The following JKAMP variants were observed in gnomAD, a reference collection of about 807,000 sequenced individuals.
JKAMP encodes the protein JNK1/MAPK8 associated membrane protein.
A neutral mutation model predicts 40.2 loss-of-function variants in JKAMP; 20 were observed. The observed-to-expected ratio is 0.50, with a 90% CI of 0.35 to 0.72. The LOEUF (loss-of-function observed/expected upper bound fraction) is 0.72, where lower values mean the gene tolerates loss of function less well. JKAMP is among the 30% of genes least tolerant of loss of function. The probability of loss-of-function intolerance (pLI) is 0.01; values close to 1 mark genes in which losing one functional copy is unlikely to be tolerated. For missense variants in JKAMP, 276 were observed against 373.0 expected (o/e 0.74, Z 2.14); for synonymous variants, 138 against 131.6 (o/e 1.05, Z -0.33).
intron 1 of JKAMP, 175 bp from the exon 2 acceptor site, chr14:59,486,538 C>T (rs1594929686): frequency 5.0e-6 from 3 of 595,730 alleles, no homozygotes; most frequent in South Asian, 2.0e-5. Context: ...TAACTGTCTG[C>T]AGTGTCACAG....
rs1026544630 is a variant in JKAMP at position 59,504,266 on chromosome 14, T to G, written c.*194T>G. On this transcript the variant is annotated 3_prime_UTR_variant, in exon 7 of 7. Coordinates refer to ENST00000616435, the MANE Select transcript of JKAMP (RefSeq NM_016475.5). ...GAAAATGCAAAACTCTGTAATACTC[T>G]GTTACACAGGGTAATATTATCTGCT... 2 of 583,212 alleles carry G rather than the reference T, an allele frequency of 3.4e-6. No individual in the cohort carries two copies. The highest frequency in any genetic ancestry group is 3.7e-5 in the African/African-American group (2 of 53,464). 36.1% of individuals were successfully genotyped at this position (583,212 alleles called of 1,614,324 possible).
In JKAMP at chr14:59,495,213, C is replaced by T. The variant is rs17096302; in HGVS notation, c.447C>T (p.Ala149=). The T allele has an allele frequency of 2.2e-3, 3,509 of 1,605,024 alleles. 53 individuals are homozygous for T. In the African/African-American group the frequency reaches 0.042, roughly 19 times the overall value. The part of the protein sequence containing the change: ...YVTTVHCTHE[A]VYPLYTIVFI... Reference sequence around the variant, plus strand: ...CCACAGTACACTGTACTCATGAAGCCGTCTACCCACTGTAAGTGTTTATTT... The same window carrying T: ...CCACAGTACACTGTACTCATGAAGCTGTCTACCCACTGTAAGTGTTTATTT... Residue 149 remains alanine, a synonymous_variant, in exon 4 of 7, where the codon GCC becomes GCT. Coordinates refer to ENST00000616435, the MANE Select transcript of JKAMP (RefSeq NM_016475.5).
rs183051942 is a variant in JKAMP at position 59,499,355 on chromosome 14, T to G, written c.640+447T>G. Among the ~76,000 whole-genome samples the G allele has an allele frequency of 1.0e-3, 157 of 152,292 alleles. 5 individuals carry two copies. The East Asian group carries it at 0.027, about 26-fold the overall frequency. Reference sequence around the variant, plus strand: ...TGTAATAAGAAATAAAAACTGGTTTTTATTTAGGAATTTATGAAAATTAGT... The same window carrying G: ...TGTAATAAGAAATAAAAACTGGTTTGTATTTAGGAATTTATGAAAATTAGT... On this transcript the variant is annotated intron_variant, in intron 5 of 6. Transcript: ENST00000616435.
At chr14:59,499,342 T>C (rs1891700459) in intron 5 of JKAMP, among the ~76,000 whole-genome samples, 1 of 152,178 alleles carries the variant, frequency 6.6e-6, no homozygotes, top group Admixed American at 6.5e-5. Context: ...TAATAAGAAA[T>C]AAAAACTGGT....
intron 3 of JKAMP, among the ~76,000 whole-genome samples, chr14:59,490,453 T>C (rs763960081): frequency 2.6e-5 from 4 of 152,136 alleles, no homozygotes; most frequent in Non-Finnish European, 5.9e-5. Context: ...GAAGGTCTGG[T>C]GTATGGAAGT....
chr14:59,485,374 G>A, intron 1 of JKAMP: 1 of 367,588 alleles, frequency 2.7e-6, no homozygotes, highest in Non-Finnish European at 4.8e-6. Flanking sequence ...AGGCCAGTGG[G>A]TTTAAAAAGC....
At chr14:59,489,122 A>G (rs1223581727) in intron 3 of JKAMP, among the ~76,000 whole-genome samples, 3 of 152,192 alleles carry the variant, frequency 2.0e-5, no homozygotes, top group Admixed American at 6.5e-5. Context: ...TCTCCTGAAA[A>G]TGCTTTTCTT....
At chr14:59,485,198 A>G (rs777885894) in intron 1 of JKAMP, 46 of 1,457,310 alleles carry the variant, frequency 3.2e-5, no homozygotes, top group Non-Finnish European at 4.3e-5. Context: ...TAGATTATTG[A>G]TATTCACGTG....
Position 59,486,226 on chromosome 14 carries a change from T to C in JKAMP, c.5-487T>C, listed in dbSNP as rs890268072. Among the ~76,000 whole-genome samples, 9 of 152,226 alleles carry C rather than the reference T, an allele frequency of 5.9e-5. 1 individual carries two copies. Among genetic ancestry groups the C allele is most frequent in the African/African-American group, 1.9e-4 (8 of 41,454 alleles). On this transcript the variant is annotated intron_variant, in intron 1 of 6. Transcript: ENST00000616435. The stretch of plus-strand genomic sequence containing the variant: ...AAAGGTAATTTGCATACCTCTGTTA[T>C]GAAATTATGTTCTCTCTGCTTTTCC...
intron 3 of JKAMP, among the ~76,000 whole-genome samples, chr14:59,493,135 G>A (rs1594939745): frequency 6.6e-6 from 1 of 152,098 alleles, no homozygotes; most frequent in South Asian, 2.1e-4. Context: ...CTGGCTTCAG[G>A]TTTTACAAAA....
intron 1 of JKAMP, among the ~76,000 whole-genome samples, chr14:59,486,330 C>G (rs142176652): frequency 2.3e-3 from 357 of 152,284 alleles, no homozygotes; most frequent in Non-Finnish European, 4.0e-3. Flanking sequence ...AATGTCCTGA[C>G]TGGGCAAAAT....
intron 3 of JKAMP, among the ~76,000 whole-genome samples, chr14:59,491,490 C>G (rs1451748345): frequency 6.6e-6 from 1 of 152,136 alleles, no homozygotes; most frequent in Admixed American, 6.5e-5. Context: ...GATTTTGCCT[C>G]TGAAAATATT....
intron 4 of JKAMP, 28 bp from the exon 5 acceptor site, chr14:59,498,699 G>A: frequency 1.7e-6 from 2 of 1,205,710 alleles, no homozygotes; most frequent in South Asian, 1.5e-5. Context: ...CATTTTTGAT[G>A]TTACAAATTC....
chr14:59,495,277 T>C, intron 4 of JKAMP, 53 bp downstream of exon 4: 1 of 1,359,966 alleles, frequency 7.4e-7, no homozygotes, highest in Non-Finnish European at 1.0e-6. Flanking sequence ...TCTCTGAGGA[T>C]TATTATAGAT....
At chr14:59,484,641 A>G in intron 1 of JKAMP, 48 bp downstream of exon 1, 13 of 1,565,052 alleles carry the variant, frequency 8.3e-6, no homozygotes, top group Non-Finnish European at 1.1e-5. Context: ...AGTCCCGACT[A>G]CTTTCCTACA....
rs374797490 is a variant in JKAMP, at chr14:59,503,914, C to G, written c.778C>G (p.Leu260Val). 1 of 1,613,482 alleles carries G rather than the reference C, an allele frequency of 6.2e-7. No homozygotes were observed. Among genetic ancestry groups the G allele is most frequent in the Non-Finnish European group, 8.5e-7 (1 of 1,179,556 alleles). ...RLIVLFSHWL[L>V]HAYGIISISR... ...TATTGTTCTCTTCAGCCACTGGTTA[C>G]TTCATGCCTATGGAATAATCTCCAT... The change falls in exon 7 of 7, where the codon CTT (leucine) becomes GTT (valine). Residue 260 changes from leucine to valine, a missense_variant. Physicochemically the swap from Leu to Val is conservative, Grantham distance 32. Coordinates refer to ENST00000616435, the MANE Select transcript of JKAMP (RefSeq NM_016475.5).
intron 5 of JKAMP, 106 bp downstream of exon 5, chr14:59,499,014 CCTTTTTT>C: frequency 4.3e-6 from 1 of 232,410 alleles, no homozygotes. Context: ...TTTGTTTAAT[CCTTTTTT>C]TTTTTTTTTT....
intron 5 of JKAMP, 98 bp from the exon 6 acceptor site, chr14:59,501,093 G>T: frequency 1.3e-6 from 1 of 759,444 alleles, no homozygotes. Flanking sequence ...GGTTGAGAAA[G>T]GATTTGACTC....
chr14:59,492,175 A>G (rs1424142373), intron 3 of JKAMP, among the ~76,000 whole-genome samples: 1 of 152,236 alleles, frequency 6.6e-6, no homozygotes, highest in Non-Finnish European at 1.5e-5. Context: ...GTCCATAACA[A>G]TAAGATTATT....
Sources: allele counts gnomAD v4.1 joint callset (sites outside exome capture counted in the v4.1 genomes callset), GRCh38; gene constraint gnomAD v4.1.1; transcripts MANE v1.5; gene names NCBI Gene and HGNC (gene_info 2026-07-23, HGNC 2026-07-21).